The following LRBA variants were observed in gnomAD, a reference collection of about 807,000 sequenced individuals.
LRBA encodes the protein lipopolysaccharide-responsive and beige-like anchor protein.
A neutral mutation model predicts 330.0 loss-of-function variants in LRBA; 176 were observed. The observed-to-expected ratio is 0.53, with a 90% CI of 0.47 to 0.60. The LOEUF (loss-of-function observed/expected upper bound fraction) is 0.60, where lower values mean the gene tolerates loss of function less well. Among genes scored for constraint, LRBA ranks in the 20% least tolerant of loss-of-function variants. The probability of loss-of-function intolerance (pLI) is 0.00; values close to 1 mark genes in which losing one functional copy is unlikely to be tolerated. For missense variants in LRBA, 3,259 were observed against 3,444.8 expected, an observed-to-expected ratio of 0.95 and a Z score of 1.35; for synonymous variants, 1,230 against 1,193.0, an observed-to-expected ratio of 1.03 and a Z score of -0.64.
intron 17 of LRBA, among the ~76,000 whole-genome samples, chr4:150,878,005 C>T (rs555413342): frequency 1.6e-3 from 249 of 152,152 alleles, no homozygotes; most frequent in Non-Finnish European, 2.4e-3. Flanking sequence ...CACAACATAA[C>T]CAAAACTCTA....
At chr4:150,414,469 T>C (rs1747442976) in intron 47 of LRBA, among the ~76,000 whole-genome samples, 1 of 152,120 alleles carries the variant, frequency 6.6e-6, no homozygotes, top group Non-Finnish European at 1.5e-5. Flanking sequence ...GTAAACATTC[T>C]ACTTTTATTT....
chr4:150,392,414 C>CA (rs957661390), intron 47 of LRBA, among the ~76,000 whole-genome samples: 1 of 152,126 alleles, frequency 6.6e-6, no homozygotes, highest in African/African-American at 2.4e-5. Context: ...TGCATATTTG[C>CA]TGTTTCTTCT....
chr4:150,288,793 C>CTTTTTTTTT (rs1216797652), intron 53 of LRBA, among the ~76,000 whole-genome samples: 35 of 104,006 alleles, frequency 3.4e-4, no homozygotes, highest in East Asian at 5.5e-4. Context: ...TGTGATTGTT[C>CTTTTTTTTT]TTTTTTTTTT....
Position 150,867,773 on chromosome 4 carries a change from T to G in LRBA, c.2664A>C (p.Glu888Asp). 6.2e-7 allele frequency: 1 copy of G among 1,613,784 alleles called. No individual in the cohort carries two copies. Among genetic ancestry groups the G allele is most frequent in the South Asian group, 1.1e-5 (1 of 91,070 alleles). Residue 888 changes from glutamate to aspartate, a missense_variant, in exon 22 of 57, where the codon GAA (glutamate) becomes GAC (aspartate). By Grantham distance (45) the Glu-to-Asp change is conservative. Coordinates refer to ENST00000651943, the MANE Select transcript of LRBA (RefSeq NM_001364905.1). Reference protein sequence around the residue: ...PKNSDEQKITEMVYAIFRILL... With the variant: ...PKNSDEQKITDMVYAIFRILL... The stretch of plus-strand genomic sequence containing the variant: ...GGATTCTGAATATGGCGTATACCAT[T>G]TCTGTTATCTTTTGCTCATCTGAAT...
At chr4:150,883,038 T>C in intron 17 of LRBA, among the ~76,000 whole-genome samples, 1 of 152,226 alleles carries the variant, frequency 6.6e-6, no homozygotes. Flanking sequence ...ATATTATCTG[T>C]CACCAATAAA....
chr4:150,696,873 G>C (rs1784662998), intron 36 of LRBA, among the ~76,000 whole-genome samples: 1 of 151,624 alleles, frequency 6.6e-6, no homozygotes, highest in Non-Finnish European at 1.5e-5. Flanking sequence ...AATTAGCCGG[G>C]CATGGTGGCA....
At chr4:150,755,832 G>A (rs1426979123) in intron 35 of LRBA, among the ~76,000 whole-genome samples, 2 of 151,412 alleles carry the variant, frequency 1.3e-5, no homozygotes, top group Non-Finnish European at 2.9e-5. Context: ...AAGTCCAGGA[G>A]TTCAAGACTA....
intron 44 of LRBA, among the ~76,000 whole-genome samples, chr4:150,437,259 A>G (rs1198339636): frequency 6.6e-6 from 1 of 152,040 alleles, no homozygotes; most frequent in African/African-American, 2.4e-5. Flanking sequence ...AAGCTGAAGG[A>G]CTGACTTATA....
intron 44 of LRBA, among the ~76,000 whole-genome samples, chr4:150,438,465 A>T (rs1243387990): frequency 6.6e-6 from 1 of 152,154 alleles, no homozygotes; most frequent in African/African-American, 2.4e-5. Flanking sequence ...AGCCTTGGTG[A>T]TGGAGAGAGT....
At chr4:150,703,736 C>A (rs1455313775) in intron 36 of LRBA, among the ~76,000 whole-genome samples, 1 of 151,956 alleles carries the variant, frequency 6.6e-6, no homozygotes, top group South Asian at 2.1e-4. Context: ...ACAAACCATA[C>A]AGACCCTTAC....
chr4:150,378,759 T>G (rs181185316), intron 47 of LRBA, among the ~76,000 whole-genome samples: 108 of 152,270 alleles, frequency 7.1e-4, no homozygotes, highest in African/African-American at 2.5e-3. Flanking sequence ...AACCACATGA[T>G]GAAAGCAAGA....
chr4:150,533,010 C>T (rs1411791183), intron 40 of LRBA, among the ~76,000 whole-genome samples: 1 of 152,058 alleles, frequency 6.6e-6, no homozygotes, highest in Non-Finnish European at 1.5e-5. Context: ...AAAAACTAGA[C>T]CTACAGCAAA....
At position 150,325,849 on chromosome 4, in the gene LRBA, A is replaced by C; in HGVS notation, c.7412T>G (p.Leu2471Arg). ...RSFGQTPSQL[L>R]IEPHPPRGSA... Reference sequence around the variant, plus strand: ...ACCTCTGGGAGGATGGGGCTCTATGAGTAGTTGAGAAGGAGTCTGTCCAAA... The same window carrying C: ...ACCTCTGGGAGGATGGGGCTCTATGCGTAGTTGAGAAGGAGTCTGTCCAAA... The change falls in exon 49 of 57, where the codon CTC becomes CGC. Residue 2471 changes from leucine to arginine, a missense_variant. Physicochemically the swap from Leu to Arg is moderately radical, Grantham distance 102. Transcript: ENST00000651943. The C allele has an allele frequency of 6.2e-7, 1 of 1,613,590 alleles. No individual in the cohort carries two copies. The highest frequency in any genetic ancestry group is 8.5e-7 in the Non-Finnish European group (1 of 1,179,696).
intron 29 of LRBA, among the ~76,000 whole-genome samples, chr4:150,830,945 A>G (rs1465018114): frequency 6.6e-6 from 1 of 151,630 alleles, no homozygotes; most frequent in African/African-American, 2.4e-5. Context: ...TTGTATTTTT[A>G]GTAGAGATAG....
intron 2 of LRBA, among the ~76,000 whole-genome samples, chr4:150,971,391 C>A (rs1739570402): frequency 6.6e-6 from 1 of 152,126 alleles, no homozygotes. Context: ...TAAGCCAGCC[C>A]AGTCAAAATC....
In LRBA at chr4:150,906,309, A is replaced by G; in HGVS notation, c.1590T>C (p.Tyr530=). The G allele has an allele frequency of 3.8e-6, 6 of 1,589,274 alleles. No individual in the cohort carries two copies. The South Asian group carries it at 5.6e-5, about 15-fold the overall frequency. The change falls in exon 12 of 57, where the codon TAT becomes TAC. Residue 530 remains tyrosine (Y), a synonymous_variant. Transcript: ENST00000651943. Reference sequence around the variant, plus strand: ...TTTCATACTTTACCTTTTCAAGGCTATATCCTATTACCAAGAAGCCCTTAC... The same window carrying G: ...TTTCATACTTTACCTTTTCAAGGCTGTATCCTATTACCAAGAAGCCCTTAC... ...LACKGFLVIG[Y]SLEKSSKSHV...
chr4:150,974,376 A>C (rs1262637111), intron 2 of LRBA, among the ~76,000 whole-genome samples: 1 of 152,222 alleles, frequency 6.6e-6, no homozygotes, highest in African/African-American at 2.4e-5. Context: ...ACTAAACTGC[A>C]TGGGCATTGG....
intron 52 of LRBA, among the ~76,000 whole-genome samples, chr4:150,304,137 G>T (rs1458853393): frequency 6.6e-6 from 1 of 152,008 alleles, no homozygotes; most frequent in Non-Finnish European, 1.5e-5. Context: ...AGAAAAAAAG[G>T]CTACTAAGCT....
intron 2 of LRBA, among the ~76,000 whole-genome samples, chr4:150,974,352 G>A (rs748427416): frequency 7.2e-5 from 11 of 152,172 alleles, no homozygotes; most frequent in Non-Finnish European, 1.3e-4. Context: ...GTCCCTTTGA[G>A]TATTTGGATG....
Sources: gnomAD v4.1 joint callset for allele counts (sites outside exome capture counted in the v4.1 genomes callset) on GRCh38, gnomAD v4.1.1 for gene constraint, MANE v1.5 for transcripts, NCBI Gene and HGNC (gene_info 2026-07-23, HGNC 2026-07-21) for gene names.